The following MYT1L variants were observed in gnomAD, a reference collection of about 807,000 sequenced individuals.
The protein encoded by MYT1L is myelin transcription factor 1 like.
In MYT1L, 12 loss-of-function variants were observed where a neutral mutation model predicts 126.7. The observed-to-expected ratio is 0.09, with a 90% CI of 0.06 to 0.15. MYT1L has a LOEUF of 0.15. Among genes scored for constraint, MYT1L ranks in the 10% least tolerant of loss-of-function variants. The pLI is 1.00. For missense variants in MYT1L, 979 were observed against 1,585.2 expected (o/e 0.62, Z 6.49); for synonymous variants, 541 against 604.2 (o/e 0.90, Z 1.53).
chr2:1,965,340 C>A (rs1053795931), intron 8 of MYT1L, among the ~76,000 whole-genome samples: 1 of 137,704 alleles, frequency 7.3e-6, no homozygotes, highest in South Asian at 2.4e-4. Flanking sequence ...CTTGCAGGGA[C>A]CAGGCAGGGA....
At chr2:2,307,702 C>T (rs1015443182) in intron 1 of MYT1L, among the ~76,000 whole-genome samples, 2 of 151,674 alleles carry the variant, frequency 1.3e-5, no homozygotes, top group East Asian at 2.0e-4. Context: ...ATCTATACTC[C>T]ACCCATGTTT....
chr2:1,902,242 T>C (rs2050442976), intron 14 of MYT1L, among the ~76,000 whole-genome samples: 1 of 152,194 alleles, frequency 6.6e-6, no homozygotes, highest in African/African-American at 2.4e-5. Flanking sequence ...ATACTCTAGG[T>C]AGTGGTTCAA....
intron 18 of MYT1L, among the ~76,000 whole-genome samples, chr2:1,874,871 A>C (rs2148736917): frequency 6.6e-6 from 1 of 152,126 alleles, no homozygotes; most frequent in East Asian, 1.9e-4. Flanking sequence ...ACTTCTGACA[A>C]TCTTGCCAGC....
chr2:2,067,550 A>T (rs949023307), intron 3 of MYT1L, among the ~76,000 whole-genome samples: 1 of 152,190 alleles, frequency 6.6e-6, no homozygotes, highest in African/African-American at 2.4e-5. Flanking sequence ...ACATAACAAG[A>T]TCCTGTCTGT....
intron 2 of MYT1L, among the ~76,000 whole-genome samples, chr2:2,210,730 T>C (rs1394274087): frequency 2.0e-5 from 3 of 152,200 alleles, no homozygotes; most frequent in Middle Eastern, 3.2e-3. Context: ...TGGTTACATA[T>C]TAATTTTAGG....
At chr2:1,915,880 C>T (rs1379605286) in intron 11 of MYT1L, among the ~76,000 whole-genome samples, 2 of 152,200 alleles carry the variant, frequency 1.3e-5, no homozygotes, top group African/African-American at 2.4e-5. Context: ...TCTCATCTTC[C>T]TCATCCGAAT....
At chr2:2,243,206 T>C (rs1026048630) in intron 2 of MYT1L, among the ~76,000 whole-genome samples, 3 of 152,194 alleles carry the variant, frequency 2.0e-5, no homozygotes, top group African/African-American at 7.2e-5. Flanking sequence ...AAAAATACAC[T>C]TTATTACAGT....
At chr2:2,008,878 T>A (rs2063565891) in intron 4 of MYT1L, among the ~76,000 whole-genome samples, 1 of 152,152 alleles carries the variant, frequency 6.6e-6, no homozygotes, top group African/African-American at 2.4e-5. Flanking sequence ...AAGACAAGGA[T>A]CCAATTTTAT....
In MYT1L at chr2:1,889,526, C is replaced by T. The variant is rs551510321; in HGVS notation, c.2284-49G>A. 8 of 1,418,378 alleles carry T rather than the reference C, an allele frequency of 5.6e-6. No homozygotes were observed. Among genetic ancestry groups the T allele is most frequent in the South Asian group, 4.0e-5 (3 of 75,618 alleles). 87.9% of individuals were successfully genotyped at this position (1,418,378 alleles called of 1,614,324 possible). On this transcript the variant is annotated intron_variant, in intron 15 of 24. Transcript: ENST00000647738. This position sits in a 1 kb window ranked among gnomAD's most constrained non-coding sequence, Gnocchi z 4.1. ...CTGTGCTTGGCCCGGCATCTTGTGA[C>T]ACCACGAGTCCTTCCTCCCAGATTA...
chr2:2,072,441 C>A (rs2074712705), intron 3 of MYT1L, among the ~76,000 whole-genome samples: 1 of 152,184 alleles, frequency 6.6e-6, no homozygotes, highest in African/African-American at 2.4e-5. Context: ...ACCCACTGCC[C>A]CATCACTCAG....
rs1165703119 is a variant in MYT1L, at chr2:2,284,233, A to G, written c.-421+171T>C. Among the ~76,000 whole-genome samples, 2 of 152,238 alleles carry G rather than the reference A, an allele frequency of 1.3e-5. 1 individual carries two copies. Among genetic ancestry groups the G allele is most frequent in the East Asian group, 3.9e-4 (2 of 5,192 alleles). ...AACATGTATATGTAATTGACTAGAC[A>G]AGGCATACAACTGAAGCACGTAAGC... On this transcript the variant is annotated intron_variant, in intron 2 of 24. Coordinates refer to ENST00000647738, the MANE Select transcript of MYT1L (RefSeq NM_001303052.2).
At chr2:1,899,300 G>A (rs1363773520) in intron 14 of MYT1L, among the ~76,000 whole-genome samples, 2 of 152,262 alleles carry the variant, frequency 1.3e-5, no homozygotes, top group Non-Finnish European at 2.9e-5. Context: ...AGGTGCCAAC[G>A]GCACCCTATG....
At chr2:2,179,334 G>T (rs561351251) in intron 2 of MYT1L, among the ~76,000 whole-genome samples, 30 of 152,298 alleles carry the variant, frequency 2.0e-4, no homozygotes, top group African/African-American at 6.7e-4. Context: ...TTCCTGGGAA[G>T]CCCCTAGGCT....
chr2:1,945,390 G>T (rs139691586), intron 8 of MYT1L, among the ~76,000 whole-genome samples: 2 of 152,268 alleles, frequency 1.3e-5, no homozygotes, highest in East Asian at 3.9e-4. Context: ...AGCTGAGGAG[G>T]GTGCCCAGAT....
At chr2:1,879,814 G>A (rs998333088) in intron 18 of MYT1L, among the ~76,000 whole-genome samples, 4 of 151,858 alleles carry the variant, frequency 2.6e-5, no homozygotes, top group Non-Finnish European at 5.9e-5. Flanking sequence ...TTTTGAAATA[G>A]GTTGTATAAG....
intron 19 of MYT1L, 58 bp downstream of exon 19, chr2:1,851,583 T>G: frequency 6.6e-7 from 1 of 1,519,262 alleles, no homozygotes; most frequent in East Asian, 2.3e-5. Flanking sequence ...GTGAGTGATA[T>G]TCCTGCCATT....
intron 8 of MYT1L, among the ~76,000 whole-genome samples, chr2:1,971,042 T>C (rs2059775540): frequency 6.6e-6 from 1 of 152,110 alleles, no homozygotes; most frequent in South Asian, 2.1e-4. Flanking sequence ...TTTTACCAAA[T>C]GTCAAAAATA....
chr2:1,795,773 T>A (rs1205036250), intron 23 of MYT1L: 1 of 152,188 alleles, frequency 6.6e-6, no homozygotes, highest in African/African-American at 2.4e-5. Flanking sequence ...ACATCAAAGG[T>A]TTTTCAGGCT....
rs144815473 is a variant in MYT1L, at chr2:1,999,580, C to T, written c.-157-2233G>A. ...TGTATTTTTGCATAAAAAAGAAATTCCATGGCCATCTTTAAATTTACCACC... is the reference window on the plus strand; with the variant it reads ...TGTATTTTTGCATAAAAAAGAAATTTCATGGCCATCTTTAAATTTACCACC... On this transcript the variant is annotated intron_variant, in intron 4 of 24. Coordinates refer to ENST00000647738, the MANE Select transcript of MYT1L (RefSeq NM_001303052.2). Among the ~76,000 whole-genome samples the T allele has an allele frequency of 7.8e-4, 119 of 151,980 alleles. 1 individual carries two copies. In the East Asian group the frequency reaches 0.021, roughly 26 times the overall value.
Sources: gnomAD v4.1 joint callset for allele counts (sites outside exome capture counted in the v4.1 genomes callset) on GRCh38, gnomAD v4.1.1 for gene constraint, Gnocchi (gnomAD v3.1) non-coding constraint, MANE v1.5 for transcripts, NCBI Gene and HGNC (gene_info 2026-07-23, HGNC 2026-07-21) for gene names.